NCKAP5: variants seen among roughly 807,000 people sequenced by gnomAD.
The protein encoded by NCKAP5 is NCK associated protein 5, also known as nck-associated protein 5.
Under a neutral mutation model 167.0 loss-of-function variants are expected in NCKAP5, and 92 were observed. The observed-to-expected ratio is 0.55, with a 90% CI of 0.47 to 0.66. The LOEUF is 0.66. NCKAP5 is among the 30% of genes least tolerant of loss of function. NCKAP5 has a pLI of 0.00. For synonymous variants in NCKAP5, 891 were observed against 877.4 expected (o/e 1.02, Z -0.27); for missense variants, 2,378 against 2,315.0 (o/e 1.03, Z -0.56).
intron 11 of NCKAP5, among the ~76,000 whole-genome samples, chr2:132,830,421 G>T (rs960774075): frequency 6.6e-6 from 1 of 151,978 alleles, no homozygotes; most frequent in Non-Finnish European, 1.5e-5. Context: ...AGGACAGTCT[G>T]TTTCCCCCCT....
At chr2:132,808,181 C>T (rs1685578899) in intron 11 of NCKAP5, among the ~76,000 whole-genome samples, 1 of 151,916 alleles carries the variant, frequency 6.6e-6, no homozygotes, top group Non-Finnish European at 1.5e-5. Flanking sequence ...AAAATTTTAG[C>T]ATATCTATGT....
chr2:132,676,959 A>T (rs1684572553), intron 19 of NCKAP5, among the ~76,000 whole-genome samples: 1 of 152,192 alleles, frequency 6.6e-6, no homozygotes, highest in African/African-American at 2.4e-5. Context: ...GAAGCTCTCA[A>T]CTTTCATCTT....
chr2:133,121,874 T>C (rs2082262126), intron 6 of NCKAP5: 1 of 152,222 alleles, frequency 6.6e-6, no homozygotes, highest in Non-Finnish European at 1.5e-5. Context: ...GTAGTATATC[T>C]ACATAACAGA....
At chr2:133,115,503 A>G (rs749637472) in intron 6 of NCKAP5, among the ~76,000 whole-genome samples, 14 of 151,956 alleles carry the variant, frequency 9.2e-5, no homozygotes, top group Admixed American at 2.0e-4. Context: ...ATCTGGGGGA[A>G]TTTTAAAATT....
chr2:133,414,796 A>C lies in NCKAP5; in HGVS notation c.69+102662T>G, dbSNP rs78324427. Among the ~76,000 whole-genome samples, 345 of 152,294 alleles carry C rather than the reference A, an allele frequency of 2.3e-3. 2 individuals carry two copies. The highest frequency in any genetic ancestry group is 7.5e-3 in the African/African-American group (310 of 41,554). On this transcript the variant is annotated intron_variant, in intron 3 of 19. Coordinates refer to ENST00000409261, the MANE Select transcript of NCKAP5 (RefSeq NM_207363.3). ...TCCCAAGGAGTCTATGAAGGGTGGA[A>C]TATTATAGCACACAAACTAATAATA...
the NCKAP5 span, among the ~76,000 whole-genome samples, chr2:133,618,294 AT>A: frequency 6.7e-6 from 1 of 150,090 alleles, no homozygotes; most frequent in Admixed American, 6.6e-5. Flanking sequence ...AAAAGACAAA[AT>A]TGACAAATGG....
At chr2:132,812,466 C>T (rs947590802) in intron 11 of NCKAP5, among the ~76,000 whole-genome samples, 21 of 152,150 alleles carry the variant, frequency 1.4e-4, no homozygotes, top group Non-Finnish European at 8.8e-5. Flanking sequence ...CCTATGGCAC[C>T]TCATTCTCTG....
At chr2:133,544,374 A>T (rs1017219196) in intron 2 of NCKAP5, among the ~76,000 whole-genome samples, 6 of 152,342 alleles carry the variant, frequency 3.9e-5, no homozygotes, top group Middle Eastern at 3.4e-3. Flanking sequence ...AAAATTATGT[A>T]GAAACCTACA....
rs538139655 is a variant in NCKAP5 at position 132,834,384 on chromosome 2, G to A, written c.807+26108C>T. 7.9e-5 allele frequency among the ~76,000 whole-genome samples: 12 copies of A among 152,010 alleles called. 1 individual carries two copies. In the South Asian group the frequency reaches 8.3e-4, roughly 11 times the overall value. ...TTTTGAGATGGAGTCTTGCTCTGTCGCCCAGGCTGGAGAGCAGTGGCGCGA... is the reference window on the plus strand; with the variant it reads ...TTTTGAGATGGAGTCTTGCTCTGTCACCCAGGCTGGAGAGCAGTGGCGCGA... On this transcript the variant is annotated intron_variant, in intron 11 of 19. Coordinates refer to ENST00000409261, the MANE Select transcript of NCKAP5 (RefSeq NM_207363.3).
At chr2:133,496,753 T>C (rs1216500410) in intron 3 of NCKAP5, among the ~76,000 whole-genome samples, 1 of 152,202 alleles carries the variant, frequency 6.6e-6, no homozygotes, top group Non-Finnish European at 1.5e-5. Context: ...GCTGGAGAAC[T>C]ACTGTACTGG....
At chr2:132,682,748 AT>A (rs1410935624) in intron 19 of NCKAP5, among the ~76,000 whole-genome samples, 3 of 152,034 alleles carry the variant, frequency 2.0e-5, no homozygotes, top group Non-Finnish European at 2.9e-5. Flanking sequence ...ATCTTCTTCC[AT>A]TTTCAGTCTG....
intron 16 of NCKAP5, among the ~76,000 whole-genome samples, chr2:132,733,730 C>T (rs759051509): frequency 2.0e-5 from 3 of 152,128 alleles, no homozygotes; most frequent in African/African-American, 2.4e-5. Context: ...CAGAATTTGC[C>T]CATTCCCCTA....
chr2:133,120,960 A>T (rs537755023), intron 6 of NCKAP5, among the ~76,000 whole-genome samples: 198 of 151,644 alleles, frequency 1.3e-3, no homozygotes, highest in African/African-American at 4.5e-3. Context: ...CAATCAACAA[A>T]TTTTTTTTTA....
chr2:133,255,499 T>G (rs556123961), intron 4 of NCKAP5, among the ~76,000 whole-genome samples: 4 of 151,282 alleles, frequency 2.6e-5, no homozygotes, highest in Non-Finnish European at 5.9e-5. Flanking sequence ...GGGGGAGGGG[T>G]GTAAGTGACA....
At chr2:133,519,020 T>C (rs957523785) in intron 2 of NCKAP5, among the ~76,000 whole-genome samples, 1 of 152,194 alleles carries the variant, frequency 6.6e-6, no homozygotes, top group Non-Finnish European at 1.5e-5. Flanking sequence ...GAAAGAAATA[T>C]GTTCCACAAC....
At chr2:132,830,147 C>G (rs1204684118) in intron 11 of NCKAP5, among the ~76,000 whole-genome samples, 1 of 152,174 alleles carries the variant, frequency 6.6e-6, no homozygotes, top group Non-Finnish European at 1.5e-5. Context: ...TTTCTACTTC[C>G]TTTCTCCATC....
chr2:133,272,222 A>C (rs2089545507), intron 4 of NCKAP5, among the ~76,000 whole-genome samples: 1 of 149,038 alleles, frequency 6.7e-6, no homozygotes, highest in African/African-American at 2.4e-5. Context: ...AAGTACCCAA[A>C]CAAAACAGAA....
the NCKAP5 span, among the ~76,000 whole-genome samples, chr2:133,670,499 C>T: frequency 5.3e-5 from 8 of 152,182 alleles, no homozygotes; most frequent in Non-Finnish European, 1.0e-4. Context: ...TTATTATAAA[C>T]CACAGACTTC....
rs963933208 is a variant in NCKAP5, at chr2:133,506,354, G to GTA, written c.69+11102_69+11103dup. ...AAATGTGAGAAGAGATGGTGGCAGA[G>GTA]TATATTATTTTATAGAGTCAATGTG... On this transcript the variant is annotated intron_variant, in intron 3 of 19. Transcript: ENST00000409261. 1.0e-3 allele frequency among the ~76,000 whole-genome samples: 153 copies of GTA among 152,344 alleles called. 1 individual carries two copies. The highest frequency in any genetic ancestry group is 3.6e-3 in the African/African-American group (151 of 41,588).
Sources: allele counts gnomAD v4.1 joint callset (sites outside exome capture counted in the v4.1 genomes callset), GRCh38; gene constraint gnomAD v4.1.1; transcripts MANE v1.5; gene names NCBI Gene and HGNC (gene_info 2026-07-23, HGNC 2026-07-21).